ZSCAN21: variants seen among roughly 807,000 people sequenced by gnomAD.
ZSCAN21 encodes zinc finger and SCAN domain containing 21.
ZSCAN21 carries 26 observed loss-of-function variants against 35.6 expected under a neutral mutation model. That is an observed-to-expected ratio of 0.73 (90% CI 0.54 to 1.01). ZSCAN21 has a LOEUF of 1.01. ZSCAN21 is among the 50% of genes least tolerant of loss of function. The pLI, the probability that ZSCAN21 is intolerant of heterozygous loss-of-function variation, is 0.00. For missense variants in ZSCAN21, 593 were observed against 587.1 expected (o/e 1.01, Z -0.10); for synonymous variants, 219 against 219.3 (o/e 1.00, Z 0.01).
At chr7:100,053,543 A>G (rs1333869362) in intron 1 of ZSCAN21, among the ~76,000 whole-genome samples, 2 of 144,506 alleles carry the variant, frequency 1.4e-5, no homozygotes, top group Non-Finnish European at 3.0e-5. Flanking sequence ...ACATACATAC[A>G]TAATTTTTTT....
intron 3 of ZSCAN21, among the ~76,000 whole-genome samples, chr7:100,061,744 G>A (rs1476964025): frequency 2.6e-5 from 4 of 152,192 alleles, no homozygotes; most frequent in Admixed American, 2.6e-4. Flanking sequence ...TAGACAGCTG[G>A]GCAGAGAGAG....
At chr7:100,055,287 CAG>C (rs1390570298) in intron 1 of ZSCAN21, among the ~76,000 whole-genome samples, 5 of 151,842 alleles carry the variant, frequency 3.3e-5, no homozygotes, top group African/African-American at 7.3e-5. Flanking sequence ...TTTTTTGAGA[CAG>C]AGTTTTGCTC....
At chr7:100,058,034 C>A in intron 3 of ZSCAN21, 144 bp downstream of exon 3, 1 of 690,658 alleles carries the variant, frequency 1.4e-6, no homozygotes, top group Non-Finnish European at 2.2e-6. Flanking sequence ...AGTCCCCTTT[C>A]CTCCCCCAAG....
At chr7:100,052,748 G>A (rs1791925638) in intron 1 of ZSCAN21, among the ~76,000 whole-genome samples, 1 of 151,440 alleles carries the variant, frequency 6.6e-6, no homozygotes, top group Admixed American at 6.6e-5. Flanking sequence ...TCACCAAGGA[G>A]AGTGAGTGCA....
intron 1 of ZSCAN21, among the ~76,000 whole-genome samples, chr7:100,054,578 G>A (rs1194634055): frequency 6.6e-6 from 1 of 151,780 alleles, no homozygotes; most frequent in Non-Finnish European, 1.5e-5. Context: ...AACAAATTTT[G>A]GGAAATAATT....
intron 1 of ZSCAN21, among the ~76,000 whole-genome samples, chr7:100,050,259 C>T (rs551771174): frequency 1.3e-5 from 2 of 152,046 alleles, no homozygotes; most frequent in African/African-American, 2.4e-5. Flanking sequence ...GGAAGCCGAA[C>T]CTCATTAGAA....
intron 2 of ZSCAN21, 76 bp downstream of exon 2, chr7:100,057,481 ACATT>A: frequency 2.0e-6 from 3 of 1,482,966 alleles, no homozygotes; most frequent in Non-Finnish European, 2.7e-6. Context: ...GTTTGTCCAT[ACATT>A]AAGATTTGCT....
rs1275391824 is a variant in ZSCAN21, at chr7:100,052,322, G to A, written c.-97+2481G>A. Among the ~76,000 whole-genome samples, 4 of 152,040 alleles carry A rather than the reference G, an allele frequency of 2.6e-5. 1 individual carries two copies. The highest frequency in any genetic ancestry group is 9.7e-5 in the African/African-American group (4 of 41,402). On this transcript the variant is annotated intron_variant, in intron 1 of 3. Transcript: ENST00000292450. The stretch of plus-strand genomic sequence containing the variant: ...TTCACGCCTGTAACCCCAGAACTTT[G>A]AGAGACCAAGGCAAGAAGATGGCTT...
intron 3 of ZSCAN21, among the ~76,000 whole-genome samples, chr7:100,060,876 AAAC>A (rs1194055305): frequency 6.6e-6 from 1 of 151,504 alleles, no homozygotes; most frequent in Non-Finnish European, 1.5e-5. Context: ...AAAAAAAAAA[AAAC>A]ATTTCTACTA....
chr7:100,051,996 C>G (rs1269451909), intron 1 of ZSCAN21, among the ~76,000 whole-genome samples: 1 of 152,068 alleles, frequency 6.6e-6, no homozygotes, highest in Admixed American at 6.6e-5. Flanking sequence ...AGTGGTACAG[C>G]CACAACTCTG....
chr7:100,055,983 C>T (rs1356047226), intron 1 of ZSCAN21, among the ~76,000 whole-genome samples: 1 of 149,626 alleles, frequency 6.7e-6, no homozygotes, highest in South Asian at 2.1e-4. Context: ...CTCTGTCGCC[C>T]AGGCTGGAGT....
chr7:100,052,673 T>C (rs952863551), intron 1 of ZSCAN21, among the ~76,000 whole-genome samples: 5 of 151,988 alleles, frequency 3.3e-5, no homozygotes, highest in African/African-American at 4.8e-5. Context: ...GAGGTCTAAG[T>C]TGGAGATACA....
intron 3 of ZSCAN21, among the ~76,000 whole-genome samples, chr7:100,061,415 G>A (rs1380199359): frequency 6.6e-6 from 1 of 152,090 alleles, no homozygotes; most frequent in East Asian, 1.9e-4. Context: ...CCAGCTATTC[G>A]GGAGGCTGAG....
At chr7:100,059,882 G>A (rs1420995895) in intron 3 of ZSCAN21, among the ~76,000 whole-genome samples, 1 of 152,076 alleles carries the variant, frequency 6.6e-6, no homozygotes, top group East Asian at 1.9e-4. Context: ...GCTAATTTTT[G>A]TATTTTTGGT....
At chr7:100,052,704 A>C (rs1465449501) in intron 1 of ZSCAN21, among the ~76,000 whole-genome samples, 1 of 152,118 alleles carries the variant, frequency 6.6e-6, no homozygotes, top group Non-Finnish European at 1.5e-5. Context: ...TTGTGAGTAT[A>C]TAGATGGTAA....
intron 1 of ZSCAN21, among the ~76,000 whole-genome samples, chr7:100,050,308 C>T (rs989671597): frequency 6.6e-6 from 1 of 152,148 alleles, no homozygotes; most frequent in South Asian, 2.1e-4. Context: ...GAAATAGTCC[C>T]CTCGGGCTTT....
intron 3 of ZSCAN21, among the ~76,000 whole-genome samples, chr7:100,063,173 C>T (rs1457930715): frequency 6.6e-6 from 1 of 152,222 alleles, no homozygotes; most frequent in Non-Finnish European, 1.5e-5. Flanking sequence ...GGATTACAGG[C>T]GTGAGCCGCT....
At chr7:100,060,493 C>T (rs1249234286) in intron 3 of ZSCAN21, among the ~76,000 whole-genome samples, 1 of 152,000 alleles carries the variant, frequency 6.6e-6, no homozygotes, top group African/African-American at 2.4e-5. Flanking sequence ...AGCCAGGAGG[C>T]GGAGATTGCA....
chr7:100,054,422 G>T (rs1431111120), intron 1 of ZSCAN21, among the ~76,000 whole-genome samples: 6 of 151,386 alleles, frequency 4.0e-5, no homozygotes, highest in Non-Finnish European at 7.4e-5. Flanking sequence ...GCTAATTTTT[G>T]TATTTTTAGT....
Sources: gnomAD v4.1 joint callset for allele counts (sites outside exome capture counted in the v4.1 genomes callset) on GRCh38, gnomAD v4.1.1 for gene constraint, MANE v1.5 for transcripts, NCBI Gene and HGNC (gene_info 2026-07-23, HGNC 2026-07-21) for gene names.